Variants in CNTNAP2 observed in about 807,000 individuals in gnomAD.
The protein encoded by CNTNAP2 is contactin-associated protein-like 2.
A neutral mutation model predicts 155.2 loss-of-function variants in CNTNAP2; 98 were observed. The observed-to-expected ratio is 0.63, with a 90% confidence interval of 0.54 to 0.75. CNTNAP2 has a LOEUF of 0.75. CNTNAP2 is among the 30% of genes least tolerant of loss of function. The pLI, the probability that CNTNAP2 is intolerant of heterozygous loss-of-function variation, is 0.00. For missense variants in CNTNAP2, 1,727 were observed against 1,688.1 expected, an observed-to-expected ratio of 1.02 and a Z score of -0.40; for synonymous variants, 651 against 631.2, an observed-to-expected ratio of 1.03 and a Z score of -0.47.
At chr7:147,930,227 T>C (rs1362768802) in intron 14 of CNTNAP2, among the ~76,000 whole-genome samples, 1 of 151,792 alleles carries the variant, frequency 6.6e-6, no homozygotes, top group African/African-American at 2.4e-5. Flanking sequence ...AGTAAGTCAA[T>C]AATTACCTTA....
At chr7:147,562,532 T>G (rs1475188506) in intron 12 of CNTNAP2, among the ~76,000 whole-genome samples, 1 of 152,140 alleles carries the variant, frequency 6.6e-6, no homozygotes, top group African/African-American at 2.4e-5. Context: ...GAAAGTAAAG[T>G]TGCAAAGTTC....
intron 18 of CNTNAP2, among the ~76,000 whole-genome samples, chr7:148,216,884 G>A (rs922579017): frequency 6.6e-6 from 1 of 152,102 alleles, no homozygotes; most frequent in African/African-American, 2.4e-5. Flanking sequence ...AAGAGCTGAT[G>A]GTTTTATAAA....
intron 1 of CNTNAP2, among the ~76,000 whole-genome samples, chr7:146,519,721 G>A (rs1770578037): frequency 6.6e-6 from 1 of 151,860 alleles, no homozygotes; most frequent in African/African-American, 2.4e-5. Context: ...CAGACACGCA[G>A]GGGAGGATAT....
chr7:146,122,888 A>G (rs1324798043), intron 1 of CNTNAP2, among the ~76,000 whole-genome samples: 2 of 152,214 alleles, frequency 1.3e-5, no homozygotes, highest in Non-Finnish European at 2.9e-5. Context: ...TAAAATCCTG[A>G]AGGTTAAATG....
chr7:146,426,210 ATTAAAAC>A (rs1796087020), intron 1 of CNTNAP2, among the ~76,000 whole-genome samples: 1 of 144,322 alleles, frequency 6.9e-6, no homozygotes, highest in Non-Finnish European at 1.5e-5. Flanking sequence ...AAAAAAAAAA[ATTAAAAC>A]TTAAGGAACT....
At chr7:147,260,536 C>T (rs946713079) in intron 8 of CNTNAP2, among the ~76,000 whole-genome samples, 13 of 152,026 alleles carry the variant, frequency 8.6e-5, no homozygotes, top group Non-Finnish European at 1.2e-4. Flanking sequence ...CATGAGATGA[C>T]AAATGGAAAT....
At chr7:148,062,724 T>G (rs1457938158) in intron 15 of CNTNAP2, among the ~76,000 whole-genome samples, 1 of 152,160 alleles carries the variant, frequency 6.6e-6, no homozygotes, top group African/African-American at 2.4e-5. Context: ...TATTTTACAC[T>G]TTAAATGCTT....
intron 15 of CNTNAP2, among the ~76,000 whole-genome samples, chr7:148,072,770 C>T (rs1412147409): frequency 7.9e-5 from 12 of 152,154 alleles, no homozygotes; most frequent in South Asian, 2.1e-4. Context: ...TGCAGTAGTG[C>T]GATCTTGGCT....
intron 1 of CNTNAP2, among the ~76,000 whole-genome samples, chr7:146,473,426 T>C (rs918333568): frequency 2.0e-5 from 3 of 152,268 alleles, no homozygotes; most frequent in Middle Eastern, 3.4e-3. Flanking sequence ...CTTTTCCTAT[T>C]TTTTCCTTTC....
At chr7:146,573,261 G>A (rs2129146427) in intron 1 of CNTNAP2, among the ~76,000 whole-genome samples, 1 of 152,166 alleles carries the variant, frequency 6.6e-6, no homozygotes, top group South Asian at 2.1e-4. Context: ...TCCTGCCTCA[G>A]CCTCCCAAGT....
intron 16 of CNTNAP2, among the ~76,000 whole-genome samples, chr7:148,142,299 G>A (rs991799124): frequency 2.6e-5 from 4 of 151,946 alleles, no homozygotes; most frequent in East Asian, 1.9e-4. Context: ...TTCCCATGGC[G>A]ACCTTATTTT....
chr7:146,262,307 TA>T (rs1179735704), intron 1 of CNTNAP2, among the ~76,000 whole-genome samples: 1 of 152,184 alleles, frequency 6.6e-6, no homozygotes, highest in East Asian at 1.9e-4. Context: ...TAACCATCAC[TA>T]AAATCCTTGC....
In CNTNAP2 at chr7:148,064,677, T is replaced by TAAA. The variant is rs35247645; in HGVS notation, c.2384-53423_2384-53421dup. 6.2e-4 allele frequency among the ~76,000 whole-genome samples: 78 copies of TAAA among 126,114 alleles called. 1 individual carries two copies. The highest frequency in any genetic ancestry group is 4.7e-4 in the Non-Finnish European group (27 of 57,784). The allele number at this position is 126,114 out of a possible 152,430, so 82.7% of individuals were successfully genotyped here. A position where few individuals can be genotyped will look rare whatever the true frequency, so the allele number is the denominator to read the frequency against. On this transcript the variant is annotated intron_variant, in intron 15 of 23. Transcript: ENST00000361727. Reference sequence around the variant, plus strand: ...ACTCAGCCTCTTTTATAATAGCTGTTAAAAAAAAAAAAAAAAAAAACTCAA... The same window carrying TAAA: ...ACTCAGCCTCTTTTATAATAGCTGTTAAAAAAAAAAAAAAAAAAAAAAACTCAA...
At chr7:146,960,386 T>G (rs535510860) in intron 3 of CNTNAP2, among the ~76,000 whole-genome samples, 1 of 152,228 alleles carries the variant, frequency 6.6e-6, no homozygotes, top group South Asian at 2.1e-4. Context: ...AGTTAGGAAT[T>G]GGACAATCGT....
At chr7:146,480,444 G>T (rs952301091) in intron 1 of CNTNAP2, among the ~76,000 whole-genome samples, 1 of 151,736 alleles carries the variant, frequency 6.6e-6, no homozygotes, top group Admixed American at 6.6e-5. Context: ...GTAATTTTAT[G>T]TAATTATACA....
chr7:147,148,545 C>T lies in CNTNAP2; in HGVS notation c.1348+16036C>T, dbSNP rs186209583. On this transcript the variant is annotated intron_variant, in intron 8 of 23. Coordinates refer to ENST00000361727, the MANE Select transcript of CNTNAP2 (RefSeq NM_014141.6). ...GTTCCTTCCAGTGGGTTTTTGGTCT[C>T]GCTGACTTCGAGAATGAAGCTGCGG... Among the ~76,000 whole-genome samples, 847 of 152,268 alleles carry T rather than the reference C, an allele frequency of 5.6e-3. 4 individuals carry two copies. The highest frequency in any genetic ancestry group is 0.013 in the African/African-American group (526 of 41,556).
chr7:147,610,760 A>T (rs1186089701), intron 12 of CNTNAP2, among the ~76,000 whole-genome samples: 1 of 152,098 alleles, frequency 6.6e-6, no homozygotes, highest in African/African-American at 2.4e-5. Context: ...TTGTTTTGAG[A>T]TAGAGTCTAG....
chr7:148,155,481 A>G (rs1444159429), intron 17 of CNTNAP2, among the ~76,000 whole-genome samples: 2 of 152,156 alleles, frequency 1.3e-5, no homozygotes, highest in African/African-American at 4.8e-5. Flanking sequence ...AGGAGGGATC[A>G]TAGGGTGTCT....
intron 14 of CNTNAP2, among the ~76,000 whole-genome samples, chr7:147,971,456 A>G (rs1011076925): frequency 3.3e-5 from 5 of 150,534 alleles, no homozygotes; most frequent in African/African-American, 7.5e-5. Context: ...CCCGGTTACC[A>G]TGAATTTCTG....
Sources: allele counts gnomAD v4.1 joint callset (sites outside exome capture counted in the v4.1 genomes callset), GRCh38; gene constraint gnomAD v4.1.1; transcripts MANE v1.5; gene names NCBI Gene and HGNC (gene_info 2026-07-23, HGNC 2026-07-21).